ZC3H11A: variants seen among roughly 807,000 people sequenced by gnomAD.
ZC3H11A encodes zinc finger CCCH-type containing 11A, also known as zinc finger CCCH domain-containing protein 11A.
Under a neutral mutation model 90.8 loss-of-function variants are expected in ZC3H11A, and 22 were observed. The observed-to-expected ratio is 0.24, with a 90% CI of 0.17 to 0.35. The LOEUF (loss-of-function observed/expected upper bound fraction) is 0.35. ZC3H11A is among the 10% of genes least tolerant of loss of function. ZC3H11A has a pLI of 1.00. For missense variants in ZC3H11A, 701 were observed against 964.9 expected (o/e 0.73, Z 3.62); for synonymous variants, 294 against 339.8 (o/e 0.87, Z 1.48).
chr1:203,836,828 C>A (rs1684501417), intron 10 of ZC3H11A, among the ~76,000 whole-genome samples: 1 of 152,182 alleles, frequency 6.6e-6, no homozygotes, highest in Admixed American at 6.5e-5. Context: ...GTATCACTAA[C>A]TAGTTGATGA....
At chr1:203,851,650 C>T (rs1417661404) in intron 17 of ZC3H11A, among the ~76,000 whole-genome samples, 1 of 152,026 alleles carries the variant, frequency 6.6e-6, no homozygotes, top group African/African-American at 2.4e-5. Context: ...GTCTTTAACA[C>T]CTACTTTGAG....
chr1:203,796,594 T>C (rs1668578643), intron 1 of ZC3H11A: 1 of 397,186 alleles, frequency 2.5e-6, no homozygotes, highest in South Asian at 1.4e-4. Flanking sequence ...ATAGCGATGC[T>C]TTTTAGGGTA....
Position 203,846,598 on chromosome 1 carries a change from G to A in ZC3H11A, c.1043-586G>A, listed in dbSNP as rs568446106. Among the ~76,000 whole-genome samples the A allele has an allele frequency of 6.0e-4, 91 of 152,238 alleles. 1 individual carries two copies. Among genetic ancestry groups the A allele is most frequent in the African/African-American group, 2.1e-3 (89 of 41,550 alleles). ...TCTGTTAGACTGTAAATTACATGTGGACAGAGATTTTATTTTGCTTACCAT... is the reference window on the plus strand; with the variant it reads ...TCTGTTAGACTGTAAATTACATGTGAACAGAGATTTTATTTTGCTTACCAT... On this transcript the variant is annotated intron_variant, in intron 12 of 17. Coordinates refer to ENST00000367210, the MANE Select transcript of ZC3H11A (RefSeq NM_001376342.1).
chr1:203,803,042 G>A (rs1376133815), intron 2 of ZC3H11A, 26 bp downstream of exon 2: 4 of 152,446 alleles, frequency 2.6e-5, no homozygotes. Flanking sequence ...GGCATTTTTC[G>A]CATGAAAGGA....
At chr1:203,800,391 A>T in intron 1 of ZC3H11A, 1 of 1,041,564 alleles carries the variant, frequency 9.6e-7, no homozygotes, top group South Asian at 1.3e-5. Flanking sequence ...CGATTATTCT[A>T]CGTTGGTTCT....
chr1:203,833,741 A>G, intron 9 of ZC3H11A, 50 bp from the exon 10 acceptor site: 18 of 1,550,432 alleles, frequency 1.2e-5, no homozygotes, highest in Non-Finnish European at 1.6e-5. Flanking sequence ...TAGTTACTGA[A>G]TACAGAAAAA....
chr1:203,829,433 C>A lies in ZC3H11A; in HGVS notation c.299-18C>A. On this transcript the variant is annotated intron_variant, in intron 5 of 17. Coordinates refer to ENST00000367210, the MANE Select transcript of ZC3H11A (RefSeq NM_001376342.1). ...TGTATCTTCTGTTTTTAATTTATGACTGATTTTGTGCGTTTAGCTGTGTTG... is the reference window on the plus strand; with the variant it reads ...TGTATCTTCTGTTTTTAATTTATGAATGATTTTGTGCGTTTAGCTGTGTTG... 1 of 1,613,502 alleles carries A rather than the reference C, an allele frequency of 6.2e-7. No homozygotes were observed. Among genetic ancestry groups the A allele is most frequent in the Non-Finnish European group, 8.5e-7 (1 of 1,179,574 alleles).
intron 2 of ZC3H11A, among the ~76,000 whole-genome samples, chr1:203,812,266 C>A (rs1161118549): frequency 6.6e-6 from 1 of 152,138 alleles, no homozygotes; most frequent in African/African-American, 2.4e-5. Flanking sequence ...CTGATCCTCT[C>A]CCTCCTCCCA....
chr1:203,829,739 G>C (rs147876400), intron 6 of ZC3H11A, 41 bp from the exon 7 acceptor site: 2 of 1,611,090 alleles, frequency 1.2e-6, no homozygotes, highest in African/African-American at 2.7e-5. Context: ...AGCTATAGGC[G>C]TATTTTTAAT....
At chr1:203,849,578 CAAAT>C (rs1688777856) in intron 14 of ZC3H11A, 129 bp from the exon 15 acceptor site, 5 of 855,618 alleles carry the variant, frequency 5.8e-6, no homozygotes, top group East Asian at 2.4e-5. Flanking sequence ...TATTTAACAT[CAAAT>C]AAAGAGCTTT....
At chr1:203,843,672 A>T (rs1377794851) in intron 12 of ZC3H11A, among the ~76,000 whole-genome samples, 1 of 152,242 alleles carries the variant, frequency 6.6e-6, no homozygotes, top group African/African-American at 2.4e-5. Context: ...AACTTCATTT[A>T]CAAAATTAGG....
intron 4 of ZC3H11A, among the ~76,000 whole-genome samples, chr1:203,819,023 C>T (rs1226480842): frequency 2.7e-5 from 4 of 149,318 alleles, no homozygotes; most frequent in East Asian, 4.1e-4. Flanking sequence ...GAGCTGAGAT[C>T]GCACCACTGC....
intron 17 of ZC3H11A, 121 bp downstream of exon 17, chr1:203,851,245 T>A: frequency 1.1e-6 from 1 of 873,270 alleles, no homozygotes; most frequent in Non-Finnish European, 1.7e-6. Flanking sequence ...CACTTCAAAT[T>A]AATTGCAAGA....
chr1:203,812,986 A>G (rs537717981), intron 2 of ZC3H11A, among the ~76,000 whole-genome samples: 12 of 152,212 alleles, frequency 7.9e-5, no homozygotes, highest in African/African-American at 2.6e-4. Context: ...TTGGTGAGGT[A>G]CCTGTTCAGA....
chr1:203,826,797 C>T (rs1680665903), intron 4 of ZC3H11A, among the ~76,000 whole-genome samples: 4 of 152,158 alleles, frequency 2.6e-5, no homozygotes, highest in African/African-American at 7.2e-5. Flanking sequence ...GAGTACTTCT[C>T]ATATCTTTTT....
chr1:203,809,172 GTTTTT>G (rs33926996), intron 2 of ZC3H11A, among the ~76,000 whole-genome samples: 5 of 83,248 alleles, frequency 6.0e-5, no homozygotes, highest in Non-Finnish European at 8.3e-5. Flanking sequence ...TCTTCTCACT[GTTTTT>G]TTTTTTTTTT....
chr1:203,829,657 A>G lies in ZC3H11A; in HGVS notation c.502+3A>G, dbSNP rs1033820495. The G allele has an allele frequency of 3.1e-6, 5 of 1,614,106 alleles. No individual in the cohort carries two copies. In the African/African-American group the frequency reaches 5.3e-5, roughly 17 times the overall value. The stretch of plus-strand genomic sequence containing the variant: ...AGATGATGATGAAGATGATGATGGT[A>G]AGTTCTGTCTGGCTCCTTCTTTAAG... On this transcript the variant is annotated splice_donor_region_variant and intron_variant, in intron 6 of 17. Transcript: ENST00000367210.
In ZC3H11A at chr1:203,829,433, C is replaced by T. The variant is rs891056708; in HGVS notation, c.299-18C>T. The T allele has an allele frequency of 2.5e-6, 4 of 1,613,384 alleles. No individual in the cohort carries two copies. The highest frequency in any genetic ancestry group is 2.7e-5 in the African/African-American group (2 of 74,860). On this transcript the variant is annotated intron_variant, in intron 5 of 17. Transcript: ENST00000367210. ...TGTATCTTCTGTTTTTAATTTATGA[C>T]TGATTTTGTGCGTTTAGCTGTGTTG...
At chr1:203,838,884 C>CG (rs1328405227) in intron 11 of ZC3H11A, among the ~76,000 whole-genome samples, 1 of 141,562 alleles carries the variant, frequency 7.1e-6, no homozygotes, top group Non-Finnish European at 1.5e-5. Flanking sequence ...ACCTGGAAGG[C>CG]GGAGGTTACA....
Sources: allele counts gnomAD v4.1 joint callset (sites outside exome capture counted in the v4.1 genomes callset), GRCh38; gene constraint gnomAD v4.1.1; transcripts MANE v1.5; gene names NCBI Gene and HGNC (gene_info 2026-07-23, HGNC 2026-07-21).